Variants in PPHLN1 observed in about 807,000 individuals in gnomAD.
PPHLN1 encodes periphilin-1.
Under a neutral mutation model 51.3 loss-of-function variants are expected in PPHLN1, and 29 were observed. The observed-to-expected ratio is 0.57, with a 90% CI of 0.42 to 0.77. PPHLN1 has a LOEUF of 0.77. Among genes scored for constraint, PPHLN1 ranks in the 30% least tolerant of loss-of-function variants. The pLI is 0.00. For missense variants in PPHLN1, 436 were observed against 438.4 expected, an observed-to-expected ratio of 0.99 and a Z score of 0.05; for synonymous variants, 147 against 147.8, an observed-to-expected ratio of 0.99 and a Z score of 0.04.
chr12:42,417,294 G>C (rs1320126861), intron 9 of PPHLN1, among the ~76,000 whole-genome samples: 2 of 152,196 alleles, frequency 1.3e-5, no homozygotes, highest in Admixed American at 6.5e-5. Context: ...AACTAATCTT[G>C]AAAATTCGGA....
chr12:42,422,379 A>C (rs549224577), intron 9 of PPHLN1, among the ~76,000 whole-genome samples: 2 of 152,174 alleles, frequency 1.3e-5, no homozygotes, highest in African/African-American at 2.4e-5. Context: ...ATTTCTGTCT[A>C]TGTTGTATCT....
chr12:42,350,971 A>AGGGAGAGGGGGAGAGG (rs528905383), intron 2 of PPHLN1, among the ~76,000 whole-genome samples: 2 of 150,410 alleles, frequency 1.3e-5, no homozygotes, highest in African/African-American at 4.9e-5. Context: ...GACGGAGAGG[A>AGGGAGAGGGGGAGAGG]GGGAGAGGGG....
In PPHLN1 at chr12:42,441,593, A is replaced by T; in HGVS notation, c.*84A>T. ...ATTGTGTAAATCCTTAATATATGGA[A>T]TTTTTGTGATGCAGAGAAATACTTT... On this transcript the variant is annotated 3_prime_UTR_variant, in exon 10 of 10. Transcript: ENST00000358314. The T allele has an allele frequency of 7.3e-7, 1 of 1,376,228 alleles. No individual in the cohort carries two copies. The highest frequency in any genetic ancestry group is 9.4e-7 in the Non-Finnish European group (1 of 1,059,768). 85.3% of individuals were successfully genotyped at this position (1,376,228 alleles called of 1,614,324 possible).
intron 4 of PPHLN1, chr12:42,359,419 A>G (rs904551408): frequency 6.6e-6 from 1 of 152,258 alleles, no homozygotes; most frequent in African/African-American, 2.4e-5. Context: ...ATAACAAAAC[A>G]TAATTTTTAC....
chr12:42,331,473 C>T (rs374559328), intron 1 of PPHLN1, among the ~76,000 whole-genome samples: 1 of 152,202 alleles, frequency 6.6e-6, no homozygotes, highest in East Asian at 1.9e-4. Context: ...GAGTGCAAGT[C>T]CTCCATAATC....
At chr12:42,355,470 C>T (rs1483561475) in intron 4 of PPHLN1, 8 of 359,102 alleles carry the variant, frequency 2.2e-5, no homozygotes, top group Non-Finnish European at 4.1e-5. Flanking sequence ...GGTGCGGTGG[C>T]TCACACTGTT....
intron 7 of PPHLN1, 54 bp downstream of exon 7, chr12:42,387,589 T>G: frequency 6.3e-7 from 1 of 1,581,746 alleles, no homozygotes; most frequent in Middle Eastern, 1.8e-4. Flanking sequence ...TGAGATGGAC[T>G]GACTAGTACA....
chr12:42,441,769 C>T lies in PPHLN1; in HGVS notation c.*260C>T. On this transcript the variant is annotated 3_prime_UTR_variant, in exon 10 of 10. Coordinates refer to ENST00000358314, the MANE Select transcript of PPHLN1 (RefSeq NM_201439.2). ...TCCTGGCCTCAAGTGATCTGCCTGC[C>T]TCAGCCTCTCAAAGTGTTGAGATTA... is the stretch of plus-strand genomic sequence containing the variant. 8.9e-7 allele frequency: 1 copy of T among 1,120,968 alleles called. No homozygotes were observed. The highest frequency in any genetic ancestry group is 1.1e-6 in the Non-Finnish European group (1 of 908,172). The allele number at this position is 1,120,968 out of a possible 1,614,324, so 69.4% of individuals were successfully genotyped here. A position where few individuals can be genotyped will look rare whatever the true frequency, so the allele number is the denominator to read the frequency against.
intron 9 of PPHLN1, among the ~76,000 whole-genome samples, chr12:42,425,224 T>G (rs1471224266): frequency 6.7e-6 from 1 of 148,166 alleles, no homozygotes; most frequent in Non-Finnish European, 1.5e-5. Flanking sequence ...GGATTACAGG[T>G]GTGCACCACC....
intron 6 of PPHLN1, 50 bp from the exon 7 acceptor site, chr12:42,387,406 A>G: frequency 6.4e-7 from 1 of 1,558,186 alleles, no homozygotes; most frequent in Non-Finnish European, 8.7e-7. Flanking sequence ...TTACTTTATC[A>G]AAAACAAATT....
At chr12:42,444,799 C>T (rs1191987778), downstream of PPHLN1, 3 of 496,206 alleles carry the variant, frequency 6.0e-6, no homozygotes, top group East Asian at 1.1e-4. Flanking sequence ...TTATCTAGTA[C>T]TTCTGTAGTT....
At chr12:42,378,820 A>G (rs563952103) in intron 5 of PPHLN1, among the ~76,000 whole-genome samples, 2 of 152,198 alleles carry the variant, frequency 1.3e-5, no homozygotes, top group East Asian at 3.9e-4. Context: ...ATCCTTCTAC[A>G]TCCAACTTGT....
At chr12:42,390,745 C>T (rs192805485) in intron 7 of PPHLN1, among the ~76,000 whole-genome samples, 4 of 149,196 alleles carry the variant, frequency 2.7e-5, no homozygotes, top group South Asian at 4.2e-4. Flanking sequence ...ACAATTCTAA[C>T]GTGGCCCAGG....
intron 9 of PPHLN1, among the ~76,000 whole-genome samples, chr12:42,415,617 A>T (rs2080307476): frequency 6.6e-6 from 1 of 152,236 alleles, no homozygotes; most frequent in Non-Finnish European, 1.5e-5. Context: ...CCAGGCTCTG[A>T]TTCGTGGCTC....
At chr12:42,404,878 T>C (rs2079156289) in intron 9 of PPHLN1, among the ~76,000 whole-genome samples, 1 of 151,926 alleles carries the variant, frequency 6.6e-6, no homozygotes, top group Admixed American at 6.6e-5. Context: ...AAATACAAAA[T>C]TAGCCGGGCG....
At chr12:42,348,294 T>TC (rs2072677739) in intron 2 of PPHLN1, among the ~76,000 whole-genome samples, 1 of 145,302 alleles carries the variant, frequency 6.9e-6, no homozygotes, top group African/African-American at 2.5e-5. Flanking sequence ...TTTTTTTTTT[T>TC]TTTTTTTAGT....
At chr12:42,352,846 T>G (rs1032296361) in intron 3 of PPHLN1, among the ~76,000 whole-genome samples, 4 of 151,650 alleles carry the variant, frequency 2.6e-5, no homozygotes, top group African/African-American at 9.7e-5. Context: ...CCCAGCACTT[T>G]GGGAGGCTTA....
At chr12:42,331,450 A>C (rs2069719303) in intron 1 of PPHLN1, among the ~76,000 whole-genome samples, 1 of 152,222 alleles carries the variant, frequency 6.6e-6, no homozygotes, top group African/African-American at 2.4e-5. Flanking sequence ...AATTTCCATG[A>C]CACTTTTGCT....
intron 1 of PPHLN1, among the ~76,000 whole-genome samples, chr12:42,334,561 C>G (rs2070304046): frequency 6.6e-6 from 1 of 152,182 alleles, no homozygotes; most frequent in Admixed American, 6.5e-5. Flanking sequence ...GAGTAGCTAT[C>G]TGTTTGCCCC....
Sources: allele counts gnomAD v4.1 joint callset (sites outside exome capture counted in the v4.1 genomes callset), GRCh38; gene constraint gnomAD v4.1.1; transcripts MANE v1.5; gene names NCBI Gene and HGNC (gene_info 2026-07-23, HGNC 2026-07-21).